DLGAP2: variants seen among roughly 807,000 people sequenced by gnomAD.
DLGAP2 encodes the protein disks large-associated protein 2.
In DLGAP2, 26 loss-of-function variants were observed where a neutral mutation model predicts 100.3. The ratio of observed to expected loss-of-function variants is 0.26; its 90% CI spans 0.19 to 0.36. The LOEUF is 0.36. Ranked by LOEUF, DLGAP2 falls within the 10% of genes least tolerant of loss-of-function variation. The pLI is 1.00. For missense variants in DLGAP2, 1,858 were observed against 1,453.2 expected (o/e 1.28, Z -4.53); for synonymous variants, 886 against 630.1 (o/e 1.41, Z -6.08).
chr8:1,369,264 A>G (rs147456597), intron 3 of DLGAP2: 1 of 152,312 alleles, frequency 6.6e-6, no homozygotes, highest in East Asian at 1.9e-4. Flanking sequence ...CCTGGAAGCC[A>G]GAAGTCCCAG....
chr8:897,240 C>T (rs1434589189), intron 1 of DLGAP2, among the ~76,000 whole-genome samples: 1 of 152,134 alleles, frequency 6.6e-6, no homozygotes. Flanking sequence ...ACCAAGCAAC[C>T]CTGGTCCTGC....
chr8:1,648,545 CCATTGGTCCCCT>C (rs1798093871), intron 8 of DLGAP2, among the ~76,000 whole-genome samples: 2 of 152,240 alleles, frequency 1.3e-5, no homozygotes, highest in East Asian at 1.9e-4. Flanking sequence ...TGGTCATAGG[CCATTGGTCCCCT>C]CATTGGTCCC....
chr8:1,537,785 GGAC>G (rs1167676936), intron 4 of DLGAP2, among the ~76,000 whole-genome samples: 2 of 145,814 alleles, frequency 1.4e-5, no homozygotes, highest in African/African-American at 5.2e-5. Flanking sequence ...AAGGAAGGAA[GGAC>G]AAATGGATAA....
At chr8:754,551 G>C (rs1820873460) in intron 1 of DLGAP2, among the ~76,000 whole-genome samples, 1 of 152,228 alleles carries the variant, frequency 6.6e-6, no homozygotes. Flanking sequence ...CCACAGAATA[G>C]GGATTGAAAA....
chr8:1,692,474 T>G (rs1383803041), intron 13 of DLGAP2, among the ~76,000 whole-genome samples: 4 of 151,356 alleles, frequency 2.6e-5, no homozygotes, highest in African/African-American at 9.7e-5. Context: ...TGGCCCTGGT[T>G]TAAGCAGTAC....
At position 1,701,212 on chromosome 8, in the gene DLGAP2, A is replaced by G; in HGVS notation, c.2974A>G (p.Ile992Val). 1.3e-6 allele frequency: 2 copies of G among 1,570,678 alleles called. No homozygotes were observed. The highest frequency in any genetic ancestry group is 1.7e-6 in the Non-Finnish European group (2 of 1,158,480). Residue 992 changes from isoleucine to valine, a missense_variant, in exon 15 of 15, where the codon ATA (isoleucine) becomes GTA (valine). By Grantham distance (29) the Ile-to-Val change is conservative. Transcript: ENST00000637795. ...RKEERKVPPPIPKKPPKGKFP... is the reference protein window; with the variant it reads ...RKEERKVPPPVPKKPPKGKFP... ...GGAAGAAAGAAAGGTCCCGCCTCCAATACCAAAGAAGCCTCCCAAGGGGAA... is the reference window on the plus strand; with the variant it reads ...GGAAGAAAGAAAGGTCCCGCCTCCAGTACCAAAGAAGCCTCCCAAGGGGAA...
intron 2 of DLGAP2, among the ~76,000 whole-genome samples, chr8:1,159,478 C>T (rs865906334): frequency 1.1e-4 from 17 of 152,294 alleles, no homozygotes; most frequent in Middle Eastern, 6.8e-3. Context: ...GAGTTCCTTA[C>T]GTATGGAGCA....
intron 1 of DLGAP2, among the ~76,000 whole-genome samples, chr8:893,621 G>T (rs1292584832): frequency 6.6e-6 from 1 of 152,220 alleles, no homozygotes; most frequent in African/African-American, 2.4e-5. Context: ...TGTCAGGAGG[G>T]TCTTTCTGCA....
chr8:1,155,348 G>A (rs1249689311), intron 2 of DLGAP2, among the ~76,000 whole-genome samples: 1 of 152,180 alleles, frequency 6.6e-6, no homozygotes, highest in Non-Finnish European at 1.5e-5. Flanking sequence ...TCCTGCGAGG[G>A]GCATCCGGGC....
intron 6 of DLGAP2, 120 bp downstream of exon 6, chr8:1,566,014 A>G: frequency 1.3e-6 from 1 of 771,548 alleles, no homozygotes; most frequent in Non-Finnish European, 1.9e-6. Context: ...GCCAAGCTGA[A>G]AATATTAGAC....
intron 3 of DLGAP2, among the ~76,000 whole-genome samples, chr8:1,410,178 G>A (rs1236863342): frequency 1.3e-5 from 2 of 152,156 alleles, no homozygotes; most frequent in Non-Finnish European, 2.9e-5. Flanking sequence ...TGAGGAGACT[G>A]CAAGCTTCGA....
intron 3 of DLGAP2, chr8:1,368,988 C>T (rs932548847): frequency 6.6e-6 from 1 of 152,224 alleles, no homozygotes; most frequent in Non-Finnish European, 1.5e-5. Context: ...TCACCCTCAA[C>T]TCTGTGCACG....
intron 6 of DLGAP2, among the ~76,000 whole-genome samples, chr8:1,610,246 G>C (rs1425906754): frequency 6.6e-6 from 1 of 152,142 alleles, no homozygotes; most frequent in Non-Finnish European, 1.5e-5. Context: ...ACTCAAAACT[G>C]CTCAACTACA....
chr8:1,173,849 G>A (rs542557132), intron 2 of DLGAP2, among the ~76,000 whole-genome samples: 6 of 152,338 alleles, frequency 3.9e-5, no homozygotes, highest in East Asian at 1.9e-4. Flanking sequence ...GAGGCAATGC[G>A]TCGCCCTGCT....
chr8:1,520,907 C>T (rs1321040635), intron 4 of DLGAP2, among the ~76,000 whole-genome samples: 1 of 152,126 alleles, frequency 6.6e-6, no homozygotes, highest in Non-Finnish European at 1.5e-5. Context: ...ATGGTGAGTG[C>T]CTAGTTTTGT....
chr8:1,613,793 C>G (rs1227150230), intron 6 of DLGAP2, among the ~76,000 whole-genome samples: 3 of 152,156 alleles, frequency 2.0e-5, no homozygotes, highest in African/African-American at 7.2e-5. Flanking sequence ...TTCATGTCCA[C>G]CCTGCATGTT....
At chr8:1,317,474 C>G (rs1242173205) in intron 3 of DLGAP2, among the ~76,000 whole-genome samples, 11 of 142,672 alleles carry the variant, frequency 7.7e-5, no homozygotes, top group Non-Finnish European at 1.5e-4. Flanking sequence ...AGTGCAGCGT[C>G]TCTCCAACAG....
Position 877,337 on chromosome 8 carries a change from G to A in DLGAP2, c.19-30575G>A, listed in dbSNP as rs535725495. 2.6e-4 allele frequency among the ~76,000 whole-genome samples: 39 copies of A among 152,266 alleles called. 1 individual carries two copies. In the Middle Eastern group the frequency reaches 0.01, roughly 40 times the overall value. On this transcript the variant is annotated intron_variant, in intron 1 of 14. Transcript: ENST00000637795. Reference sequence around the variant, plus strand: ...CTTCGTTCAGTGATTGGCTGGGTTTGTTTAGAGGAGTCTAGACTCTCTGCC... The same window carrying A: ...CTTCGTTCAGTGATTGGCTGGGTTTATTTAGAGGAGTCTAGACTCTCTGCC...
rs185142585 is a variant in DLGAP2 at position 1,081,330 on chromosome 8, A to G, written c.73+173364A>G. ...TTGTGTTGCTAAATTTCTGGTTAATAATAAGATACATAAGAAAGGTTTTAA... is the reference window on the plus strand; with the variant it reads ...TTGTGTTGCTAAATTTCTGGTTAATGATAAGATACATAAGAAAGGTTTTAA... On this transcript the variant is annotated intron_variant, in intron 2 of 14. Coordinates refer to ENST00000637795, the MANE Select transcript of DLGAP2 (RefSeq NM_001346810.2). Among the ~76,000 whole-genome samples, 367 of 152,346 alleles carry G rather than the reference A, an allele frequency of 2.4e-3. 1 individual carries two copies. The highest frequency in any genetic ancestry group is 8.2e-3 in the African/African-American group (343 of 41,580).
Sources: allele counts gnomAD v4.1 joint callset (sites outside exome capture counted in the v4.1 genomes callset), GRCh38; gene constraint gnomAD v4.1.1; transcripts MANE v1.5; gene names NCBI Gene and HGNC (gene_info 2026-07-23, HGNC 2026-07-21).